Variants in DTNA observed in about 807,000 individuals in gnomAD.
DTNA encodes the protein dystrophin-related protein 3.
In DTNA, 43 loss-of-function variants were observed where a neutral mutation model predicts 100.7. That is an observed-to-expected ratio of 0.43 (90% confidence interval 0.33 to 0.55). The LOEUF (loss-of-function observed/expected upper bound fraction) is 0.55. DTNA is among the 20% of genes least tolerant of loss of function. DTNA has a pLI of 0.04. For missense variants in DTNA, 798 were observed against 953.9 expected, an observed-to-expected ratio of 0.84 and a Z score of 2.15; for synonymous variants, 349 against 347.9, an observed-to-expected ratio of 1.00 and a Z score of -0.04.
chr18:34,852,425 A>G (rs1001006716), intron 15 of DTNA, among the ~76,000 whole-genome samples: 2 of 152,136 alleles, frequency 1.3e-5, no homozygotes, highest in South Asian at 2.1e-4. Context: ...TTCTTCCTCT[A>G]TTCAACACAG....
At chr18:34,604,793 T>C (rs747373984) in intron 1 of DTNA, among the ~76,000 whole-genome samples, 25 of 152,140 alleles carry the variant, frequency 1.6e-4, no homozygotes, top group Admixed American at 3.9e-4. Context: ...ACATTACATT[T>C]TTCATTGCAC....
intron 1 of DTNA, among the ~76,000 whole-genome samples, chr18:34,587,094 G>C (rs1318213482): frequency 6.6e-6 from 1 of 151,878 alleles, no homozygotes; most frequent in Non-Finnish European, 1.5e-5. Flanking sequence ...CCCCTACTTG[G>C]GAGGGTCCGA....
chr18:34,705,981 CTT>C (rs550618353), upstream of DTNA, among the ~76,000 whole-genome samples: 10 of 152,140 alleles, frequency 6.6e-5, no homozygotes, highest in East Asian at 5.8e-4. Context: ...GAGTTTTGCT[CTT>C]GTTTCCCAGG....
At chr18:34,871,134 C>T (rs1375698814) in intron 17 of DTNA, among the ~76,000 whole-genome samples, 2 of 152,236 alleles carry the variant, frequency 1.3e-5, no homozygotes, top group South Asian at 2.1e-4. Context: ...TCAGGTCTAG[C>T]GGGGAGGGGG....
At chr18:34,535,551 T>A (rs1456499364) in intron 1 of DTNA, among the ~76,000 whole-genome samples, 11 of 152,062 alleles carry the variant, frequency 7.2e-5, no homozygotes, top group Admixed American at 2.0e-4. Flanking sequence ...GGTGTTTTAG[T>A]TATTAAGTCT....
chr18:34,875,922 G>C (rs1203809685), intron 18 of DTNA, among the ~76,000 whole-genome samples: 1 of 152,220 alleles, frequency 6.6e-6, no homozygotes, highest in Non-Finnish European at 1.5e-5. Flanking sequence ...TACAAAGAGG[G>C]ATGGGGATGC....
In DTNA at chr18:34,771,131, T is replaced by G. The variant is rs115712461; in HGVS notation, c.148+5090T>G. Among the ~76,000 whole-genome samples, 979 of 152,318 alleles carry G rather than the reference T, an allele frequency of 6.4e-3. 5 individuals carry two copies. Among genetic ancestry groups the G allele is most frequent in the African/African-American group, 0.023 (939 of 41,568 alleles). On this transcript the variant is annotated intron_variant, in intron 3 of 22. Coordinates refer to ENST00000444659, the MANE Select transcript of DTNA (RefSeq NM_001386795.1). ...TGTAAATTCTTTTTCTCTCTTGTTATGTATGTACTGATATAATATCCCTGA... is the reference window on the plus strand; with the variant it reads ...TGTAAATTCTTTTTCTCTCTTGTTAGGTATGTACTGATATAATATCCCTGA...
At chr18:34,637,037 G>C (rs979524276) in intron 1 of DTNA, among the ~76,000 whole-genome samples, 6 of 152,182 alleles carry the variant, frequency 3.9e-5, no homozygotes. Flanking sequence ...GCACCTGCCA[G>C]TTGCTTAATA....
chr18:34,885,849 T>C (rs536067), intron 22 of DTNA, among the ~76,000 whole-genome samples: 92 of 152,362 alleles, frequency 6.0e-4, no homozygotes, highest in African/African-American at 2.0e-3. Context: ...GACCCAGAAC[T>C]AGCTTGCTTT....
intron 1 of DTNA, among the ~76,000 whole-genome samples, chr18:34,592,504 A>ACACACACACACACG (rs1291128997): frequency 1.4e-5 from 2 of 144,496 alleles, no homozygotes; most frequent in African/African-American, 4.9e-5. Flanking sequence ...ACACACACAC[A>ACACACACACACACG]CATTTTGTTT....
intron 1 of DTNA, among the ~76,000 whole-genome samples, chr18:34,502,564 T>G (rs2040043833): frequency 6.6e-6 from 1 of 152,234 alleles, no homozygotes; most frequent in African/African-American, 2.4e-5. Context: ...TATTTTCATT[T>G]TTATTTAGTT....
At chr18:34,753,357 A>ATTTTT (rs869151386) in intron 1 of DTNA, among the ~76,000 whole-genome samples, 3 of 2,018 alleles carry the variant, frequency 1.5e-3, no homozygotes, top group African/African-American at 1.0e-3. Flanking sequence ...TTATTTATTT[A>ATTTTT]TTTATTTTAT....
chr18:34,517,181 A>C (rs1484794848), intron 1 of DTNA, among the ~76,000 whole-genome samples: 2 of 152,150 alleles, frequency 1.3e-5, no homozygotes, highest in Non-Finnish European at 2.9e-5. Flanking sequence ...GATTAACCAA[A>C]GCAGCTGCTA....
intron 1 of DTNA, among the ~76,000 whole-genome samples, chr18:34,596,350 C>T (rs1373146468): frequency 6.6e-6 from 1 of 152,138 alleles, no homozygotes; most frequent in Non-Finnish European, 1.5e-5. Flanking sequence ...TCCCAAGTAG[C>T]TGGGATTACA....
At chr18:34,638,179 A>G (rs1190076397) in intron 1 of DTNA, among the ~76,000 whole-genome samples, 2 of 152,194 alleles carry the variant, frequency 1.3e-5, no homozygotes, top group East Asian at 3.9e-4. Context: ...TGCCTTTTCT[A>G]TGCTTCTGAT....
intron 1 of DTNA, among the ~76,000 whole-genome samples, chr18:34,627,125 A>C (rs142167338): frequency 6.6e-6 from 1 of 151,940 alleles, no homozygotes; most frequent in Non-Finnish European, 1.5e-5. Flanking sequence ...GCAAAAGTCT[A>C]TATCTACGGA....
At chr18:34,764,115 A>G (rs1355924081) in intron 2 of DTNA, among the ~76,000 whole-genome samples, 1 of 152,206 alleles carries the variant, frequency 6.6e-6, no homozygotes, top group Non-Finnish European at 1.5e-5. Flanking sequence ...AAGCTCAAAT[A>G]TAAAAAAGAA....
At chr18:34,798,034 C>T (rs1383414524) in intron 4 of DTNA, among the ~76,000 whole-genome samples, 2 of 152,210 alleles carry the variant, frequency 1.3e-5, no homozygotes, top group African/African-American at 2.4e-5. Flanking sequence ...GAGTCTCACT[C>T]TGCCGCCCAG....
chr18:34,521,937 TA>T (rs1472734808), intron 1 of DTNA, among the ~76,000 whole-genome samples: 1 of 152,200 alleles, frequency 6.6e-6, no homozygotes, highest in Non-Finnish European at 1.5e-5. Flanking sequence ...AAGGGATTTT[TA>T]TCTGTTTCTT....
Sources: gnomAD v4.1 joint callset for allele counts (sites outside exome capture counted in the v4.1 genomes callset) on GRCh38, gnomAD v4.1.1 for gene constraint, MANE v1.5 for transcripts, NCBI Gene and HGNC (gene_info 2026-07-23, HGNC 2026-07-21) for gene names.